The following UGGT2 variants were observed in gnomAD, a reference collection of about 807,000 sequenced individuals.
The protein encoded by UGGT2 is UDP-glucose:glycoprotein glucosyltransferase 2.
UGGT2 carries 180 observed loss-of-function variants against 192.1 expected under a neutral mutation model. That is an observed-to-expected ratio of 0.94 (90% CI 0.83 to 1.06). The LOEUF (loss-of-function observed/expected upper bound fraction) is 1.06, where lower values mean the gene tolerates loss of function less well. UGGT2 is among the 50% of genes least tolerant of loss of function. The pLI, the probability that UGGT2 is intolerant of heterozygous loss-of-function variation, is 0.00. For synonymous variants in UGGT2, 580 were observed against 591.0 expected (o/e 0.98, Z 0.27); for missense variants, 1,849 against 1,795.7 (o/e 1.03, Z -0.54).
intron 10 of UGGT2, among the ~76,000 whole-genome samples, chr13:95,981,019 T>C (rs1215547613): frequency 6.6e-6 from 1 of 152,166 alleles, no homozygotes; most frequent in African/African-American, 2.4e-5. Flanking sequence ...CTGTTTCCTT[T>C]TATATTTGTG....
rs1566707450 is a variant in UGGT2, at chr13:95,927,071, C to CT, written c.2156dup (p.Ser720GlufsTer16). 6.2e-7 allele frequency: 1 copy of CT among 1,611,424 alleles called. No homozygotes were observed. ...ACATGTTCTTTGCAATTACAGCACT[C>CT]TTATCTTGTGAATCCAAGAAAAAGA... On this transcript the variant is annotated frameshift_variant, in exon 19 of 39. Transcript: ENST00000376747. LOFTEE classifies it high-confidence loss of function.
At chr13:95,840,413 A>C (rs1887740025) in intron 36 of UGGT2, among the ~76,000 whole-genome samples, 1 of 152,230 alleles carries the variant, frequency 6.6e-6, no homozygotes, top group Non-Finnish European at 1.5e-5. Context: ...AAAAGAAGAC[A>C]CTTATGCGAC....
chr13:95,926,309 C>G (rs1016607065), intron 19 of UGGT2, among the ~76,000 whole-genome samples: 28 of 152,056 alleles, frequency 1.8e-4, no homozygotes, highest in African/African-American at 6.5e-4. Flanking sequence ...GTGGCCTTTG[C>G]TTTAAATCTC....
At chr13:95,971,450 A>C (rs905697735) in intron 11 of UGGT2, among the ~76,000 whole-genome samples, 1 of 152,204 alleles carries the variant, frequency 6.6e-6, no homozygotes, top group African/African-American at 2.4e-5. Flanking sequence ...AATGTAGCAC[A>C]CATCCTGCAA....
chr13:95,979,392 G>GA (rs2051041410), intron 10 of UGGT2, among the ~76,000 whole-genome samples: 1 of 151,818 alleles, frequency 6.6e-6, no homozygotes, highest in African/African-American at 2.4e-5. Flanking sequence ...AGCTACACTA[G>GA]AAGAATTATG....
intron 20 of UGGT2, among the ~76,000 whole-genome samples, chr13:95,908,015 A>G (rs1333164793): frequency 6.6e-6 from 1 of 152,164 alleles, no homozygotes; most frequent in Non-Finnish European, 1.5e-5. Flanking sequence ...AGATAAGACA[A>G]ATGGCTAACC....
rs930268678 is a variant in UGGT2, at chr13:95,948,180, T to C, written c.1456-99A>G. On this transcript the variant is annotated intron_variant, in intron 13 of 38. Coordinates refer to ENST00000376747, the MANE Select transcript of UGGT2 (RefSeq NM_020121.4). ...TTGTGACTGAAAGTATGAAATTCAATGTGTAATTTTTAAAGAAATTCTAGC... is the reference window on the plus strand; with the variant it reads ...TTGTGACTGAAAGTATGAAATTCAACGTGTAATTTTTAAAGAAATTCTAGC... 7 of 831,088 alleles carry C rather than the reference T, an allele frequency of 8.4e-6. No homozygotes were observed. The East Asian group carries it at 1.7e-4, about 21-fold the overall frequency. 51.5% of individuals were successfully genotyped at this position (831,088 alleles called of 1,614,324 possible).
At chr13:95,970,366 A>G (rs2050734890) in intron 11 of UGGT2, 104 bp from the exon 12 acceptor site, 1 of 1,001,356 alleles carries the variant, frequency 1.0e-6, no homozygotes, top group South Asian at 1.7e-5. Context: ...ATTTTTTGGT[A>G]TCTTCATTAA....
chr13:95,872,370 C>A (rs1011097177), intron 29 of UGGT2, among the ~76,000 whole-genome samples: 1 of 152,272 alleles, frequency 6.6e-6, no homozygotes, highest in East Asian at 1.9e-4. Context: ...ATAATTTAGC[C>A]ATGGCTTTAA....
At chr13:95,831,323 T>TA (rs1886662217) in intron 38 of UGGT2, among the ~76,000 whole-genome samples, 2 of 152,124 alleles carry the variant, frequency 1.3e-5, no homozygotes, top group African/African-American at 2.4e-5. Flanking sequence ...CCCTTACTTA[T>TA]ATACATATCT....
intron 7 of UGGT2, among the ~76,000 whole-genome samples, chr13:95,992,123 C>T (rs2051476552): frequency 6.6e-6 from 1 of 152,010 alleles, no homozygotes; most frequent in African/African-American, 2.4e-5. Flanking sequence ...AGATGGCTCC[C>T]CTGCACTACA....
At chr13:95,872,089 AATTTGGCATTAAAGGTGCATAAATAAAGT>A (rs1333432821) in intron 29 of UGGT2, among the ~76,000 whole-genome samples, 1 of 152,224 alleles carries the variant, frequency 6.6e-6, no homozygotes, top group Non-Finnish European at 1.5e-5. Flanking sequence ...CTAGCACAAT[AATTTGGCATTAAAGGTGCATAAATAAAGT>A]ATCTAATATT....
intron 36 of UGGT2, among the ~76,000 whole-genome samples, chr13:95,844,633 T>C (rs532665061): frequency 6.6e-6 from 1 of 152,370 alleles, no homozygotes; most frequent in Non-Finnish European, 1.5e-5. Flanking sequence ...TGATTTTGTA[T>C]CTTGCAACTT....
chr13:95,877,214 C>A, intron 29 of UGGT2, 65 bp downstream of exon 29: 1 of 1,277,014 alleles, frequency 7.8e-7, no homozygotes, highest in South Asian at 1.6e-5. Context: ...TTTTGATTCT[C>A]TTGGTTGTAT....
intron 37 of UGGT2, among the ~76,000 whole-genome samples, chr13:95,833,638 A>G (rs1886965282): frequency 6.6e-6 from 1 of 152,206 alleles, no homozygotes; most frequent in Non-Finnish European, 1.5e-5. Flanking sequence ...AAAAGCAAAA[A>G]TTATAGAAGG....
chr13:96,034,797 G>A (rs1018718402), intron 1 of UGGT2, among the ~76,000 whole-genome samples: 2 of 152,208 alleles, frequency 1.3e-5, no homozygotes, highest in African/African-American at 4.8e-5. Context: ...CACTGCAGCT[G>A]GCACTCCTGG....
chr13:95,876,015 A>G (rs1891641622), intron 29 of UGGT2, among the ~76,000 whole-genome samples: 1 of 152,110 alleles, frequency 6.6e-6, no homozygotes, highest in Non-Finnish European at 1.5e-5. Flanking sequence ...TTTATGGTCT[A>G]TTTTTTTAAT....
At chr13:96,014,271 T>C (rs1258017867) in intron 4 of UGGT2, among the ~76,000 whole-genome samples, 1 of 152,166 alleles carries the variant, frequency 6.6e-6, no homozygotes. Flanking sequence ...TGAATTCTGA[T>C]CTCTACAATC....
intron 38 of UGGT2, 119 bp from the exon 39 acceptor site, chr13:95,801,931 C>A: frequency 9.0e-7 from 1 of 1,115,840 alleles, no homozygotes; most frequent in South Asian, 1.4e-5. Flanking sequence ...TTTGCTAGTT[C>A]AGTACCTATA....
Sources: gnomAD v4.1 joint callset for allele counts (sites outside exome capture counted in the v4.1 genomes callset) on GRCh38, gnomAD v4.1.1 for gene constraint, MANE v1.5 for transcripts, NCBI Gene and HGNC (gene_info 2026-07-23, HGNC 2026-07-21) for gene names.